TRIM2: variants seen among roughly 807,000 people sequenced by gnomAD.
TRIM2 encodes tripartite motif containing 2.
In TRIM2, 20 loss-of-function variants were observed where a neutral mutation model predicts 75.2. That is an observed-to-expected ratio of 0.27 (90% CI 0.19 to 0.39). The LOEUF (loss-of-function observed/expected upper bound fraction) is 0.39, where lower values mean the gene tolerates loss of function less well. TRIM2 is among the 10% of genes least tolerant of loss of function. TRIM2 has a pLI of 1.00. For missense variants in TRIM2, 660 were observed against 990.8 expected (o/e 0.67, Z 4.48); for synonymous variants, 373 against 388.3 (o/e 0.96, Z 0.46).
intron 6 of TRIM2, among the ~76,000 whole-genome samples, chr4:153,303,271 T>C (rs1579510237): frequency 6.6e-6 from 1 of 151,382 alleles, no homozygotes; most frequent in Admixed American, 6.6e-5. Flanking sequence ...TGAGACCAGC[T>C]TGGCCAACAT....
intron 1 of TRIM2, among the ~76,000 whole-genome samples, chr4:153,214,486 T>C (rs907223768): frequency 1.3e-5 from 2 of 152,238 alleles, no homozygotes; most frequent in South Asian, 4.1e-4. Context: ...TAACTCAGAA[T>C]CTTGGAACAA....
intron 1 of TRIM2, among the ~76,000 whole-genome samples, chr4:153,262,874 G>A (rs1753919965): frequency 6.6e-6 from 1 of 152,210 alleles, no homozygotes; most frequent in Non-Finnish European, 1.5e-5. Context: ...TCCTTTCACT[G>A]TCATAATTTT....
At chr4:153,305,085 AAATTTG>A (rs1764700453) in intron 6 of TRIM2, among the ~76,000 whole-genome samples, 2 of 152,168 alleles carry the variant, frequency 1.3e-5, no homozygotes, top group African/African-American at 2.4e-5. Context: ...GGAGAGAGAG[AAATTTG>A]GTGAACAATT....
At chr4:153,222,050 G>GGAAAGAGCGAGGA (rs1560836470) in intron 1 of TRIM2, among the ~76,000 whole-genome samples, 5 of 119,778 alleles carry the variant, frequency 4.2e-5, no homozygotes, top group Admixed American at 8.7e-5. Flanking sequence ...GCGAGGAAGG[G>GGAAAGAGCGAGGA]AGGGAGGAAG....
In TRIM2 at chr4:153,328,619, G is replaced by A. The variant is rs531366102; in HGVS notation, c.2112G>A (p.Val704=). 2 of 1,611,590 alleles carry A rather than the reference G, an allele frequency of 1.2e-6. No homozygotes were observed. The highest frequency in any genetic ancestry group is 2.2e-5 in the South Asian group (2 of 90,554). ...GQFNAPTGVA[V]DSNGNIIVAD... The stretch of plus-strand genomic sequence containing the variant: ...TTAATGCTCCAACAGGTGTAGCAGT[G>A]GATTCAAATGGAAACATCATTGTGG... Residue 704 remains valine, a synonymous_variant, in exon 11 of 12, where the codon GTG becomes GTA. Coordinates refer to ENST00000338700, the MANE Select transcript of TRIM2 (RefSeq NM_015271.5).
chr4:153,225,008 C>T (rs554422508), intron 1 of TRIM2, among the ~76,000 whole-genome samples: 1 of 152,254 alleles, frequency 6.6e-6, no homozygotes, highest in East Asian at 1.9e-4. Context: ...GTTTACTTGG[C>T]CTTTTCTGAG....
intron 1 of TRIM2, among the ~76,000 whole-genome samples, chr4:153,174,493 T>A (rs1731214945): frequency 6.6e-6 from 1 of 151,888 alleles, no homozygotes. Flanking sequence ...CCCCACCGGG[T>A]GTGCAAAGGA....
intron 3 of TRIM2, 112 bp from the exon 4 acceptor site, chr4:153,292,870 A>G: frequency 1.8e-6 from 2 of 1,084,800 alleles, no homozygotes; most frequent in Non-Finnish European, 2.5e-6. Context: ...TAATGCTGAC[A>G]TTCTGGGGTG....
At chr4:153,196,521 G>T (rs1432599592) in intron 1 of TRIM2, among the ~76,000 whole-genome samples, 1 of 152,170 alleles carries the variant, frequency 6.6e-6, no homozygotes, top group African/African-American at 2.4e-5. Flanking sequence ...GCCTGGGGTT[G>T]GTTGTGAGGA....
At chr4:153,255,747 G>T (rs1413174709) in intron 1 of TRIM2, among the ~76,000 whole-genome samples, 1 of 152,176 alleles carries the variant, frequency 6.6e-6, no homozygotes, top group African/African-American at 2.4e-5. Flanking sequence ...CTAAATTCAC[G>T]CAATGGAATA....
Position 153,337,990 on chromosome 4 carries a change from AT to A in TRIM2, c.*3032del, listed in dbSNP as rs372519052. ...TACAAGTCCTTTATGACTGTTTGCC[AT>A]TTTTTTTAATGGTACTTAGTATTTT... On this transcript the variant is annotated 3_prime_UTR_variant, in exon 12 of 12. Transcript: ENST00000338700. 4.0e-5 allele frequency: 39 copies of A among 985,176 alleles called. No homozygotes were observed. The highest frequency in any genetic ancestry group is 3.7e-4 in the Admixed American group (6 of 16,230). The allele number at this position is 985,176 out of a possible 1,614,324, so 61.0% of individuals were successfully genotyped here.
At chr4:153,188,153 T>C (rs952386479) in intron 1 of TRIM2, among the ~76,000 whole-genome samples, 6 of 152,168 alleles carry the variant, frequency 3.9e-5, no homozygotes, top group African/African-American at 1.4e-4. Context: ...ATTTTTAAAG[T>C]GTACAGAATA....
intron 9 of TRIM2, 146 bp downstream of exon 9, chr4:153,322,962 C>T: frequency 1.7e-6 from 2 of 1,165,562 alleles, no homozygotes. Flanking sequence ...TAAGCAAAAG[C>T]ATGTTTCGTT....
intron 1 of TRIM2, among the ~76,000 whole-genome samples, chr4:153,249,563 A>T (rs887186396): frequency 4.0e-5 from 6 of 151,046 alleles, no homozygotes; most frequent in African/African-American, 1.5e-4. Context: ...AGAGGCAGGC[A>T]TTATTAGCAG....
At chr4:153,264,416 C>T (rs1316686923) in intron 1 of TRIM2, among the ~76,000 whole-genome samples, 6 of 152,124 alleles carry the variant, frequency 3.9e-5, no homozygotes, top group African/African-American at 1.4e-4. Flanking sequence ...TCACACGGAT[C>T]CCTTCAGAAG....
chr4:153,258,709 C>T (rs1431732012), intron 1 of TRIM2, among the ~76,000 whole-genome samples: 2 of 152,180 alleles, frequency 1.3e-5, no homozygotes, highest in Admixed American at 1.3e-4. Flanking sequence ...CATGTTACAG[C>T]AGTTTTATTC....
chr4:153,235,204 A>G (rs1744696260), intron 1 of TRIM2, among the ~76,000 whole-genome samples: 1 of 152,196 alleles, frequency 6.6e-6, no homozygotes, highest in African/African-American at 2.4e-5. Context: ...TGTGACTCTG[A>G]GAAGCAAATT....
At chr4:153,216,383 C>T (rs1329415963) in intron 1 of TRIM2, among the ~76,000 whole-genome samples, 1 of 152,174 alleles carries the variant, frequency 6.6e-6, no homozygotes, top group Non-Finnish European at 1.5e-5. Context: ...CTTTCCTGTG[C>T]TGACTCTATG....
chr4:153,325,692 A>G (rs1215874171), intron 10 of TRIM2, among the ~76,000 whole-genome samples: 1 of 152,238 alleles, frequency 6.6e-6, no homozygotes, highest in Non-Finnish European at 1.5e-5. Flanking sequence ...AGATCCTAAT[A>G]GTACAAAGGC....
Sources: allele counts gnomAD v4.1 joint callset (sites outside exome capture counted in the v4.1 genomes callset), GRCh38; gene constraint gnomAD v4.1.1; transcripts MANE v1.5; gene names NCBI Gene and HGNC (gene_info 2026-07-23, HGNC 2026-07-21).